SGCD: variants seen among roughly 807,000 people sequenced by gnomAD.
SGCD encodes sarcoglycan delta.
Under a neutral mutation model 36.6 loss-of-function variants are expected in SGCD, and 18 were observed. The ratio of observed to expected loss-of-function variants is 0.49; its 90% CI spans 0.34 to 0.73. The LOEUF is 0.73. SGCD is among the 30% of genes least tolerant of loss of function. The pLI is 0.01. For synonymous variants in SGCD, 133 were observed against 130.6 expected (o/e 1.02, Z -0.12); for missense variants, 387 against 346.7 (o/e 1.12, Z -0.92).
At chr5:156,125,945 T>G (rs1762160944) in intron 3 of SGCD, among the ~76,000 whole-genome samples, 1 of 151,052 alleles carries the variant, frequency 6.6e-6, no homozygotes, top group Admixed American at 6.6e-5. Flanking sequence ...TGGCACAGTC[T>G]CGGCTCACTG....
intron 1 of SGCD, among the ~76,000 whole-genome samples, chr5:156,000,084 T>C (rs1179538099): frequency 6.6e-6 from 1 of 152,226 alleles, no homozygotes; most frequent in African/African-American, 2.4e-5. Context: ...GCTTCAGCCC[T>C]GGGACCTAGG....
intron 7 of SGCD, among the ~76,000 whole-genome samples, chr5:156,655,225 A>G (rs281044): frequency 0.92 from 139,637 of 152,178 alleles, 64,227 homozygotes; most frequent in East Asian, 0.99. Flanking sequence ...CTAATCAAAC[A>G]TGAGAAAATT....
chr5:155,934,455 C>T (rs1330412956), intron 1 of SGCD, among the ~76,000 whole-genome samples: 3 of 152,174 alleles, frequency 2.0e-5, no homozygotes, highest in African/African-American at 7.2e-5. Flanking sequence ...TATCCCACTA[C>T]CTGACAAACA....
At chr5:156,258,750 A>G (rs1345370487) in intron 3 of SGCD, among the ~76,000 whole-genome samples, 1 of 152,216 alleles carries the variant, frequency 6.6e-6, no homozygotes, top group Non-Finnish European at 1.5e-5. Flanking sequence ...TTTATCAAAT[A>G]TTGTAATTTC....
chr5:156,211,787 A>T (rs1307436214), intron 3 of SGCD, among the ~76,000 whole-genome samples: 1 of 152,134 alleles, frequency 6.6e-6, no homozygotes, highest in Non-Finnish European at 1.5e-5. Context: ...AGACAAAATT[A>T]TTTAAAAAGC....
At chr5:156,696,544 CTG>C (rs1754324167) in intron 7 of SGCD, among the ~76,000 whole-genome samples, 1 of 152,208 alleles carries the variant, frequency 6.6e-6, no homozygotes, top group African/African-American at 2.4e-5. Flanking sequence ...AAGTCTCACT[CTG>C]TTGCCCAGGC....
intron 3 of SGCD, among the ~76,000 whole-genome samples, chr5:156,130,368 A>C (rs1762287718): frequency 6.6e-6 from 1 of 152,178 alleles, no homozygotes; most frequent in African/African-American, 2.4e-5. Context: ...ACTTCCTTGT[A>C]GATGCTGGAC....
intron 3 of SGCD, among the ~76,000 whole-genome samples, chr5:156,454,913 C>T (rs1754184766): frequency 1.3e-5 from 2 of 152,116 alleles, no homozygotes; most frequent in South Asian, 4.1e-4. Context: ...ACTGGAAGTC[C>T]TCATACCTGC....
At chr5:156,509,640 T>C (rs1756848583) in intron 4 of SGCD, among the ~76,000 whole-genome samples, 1 of 152,208 alleles carries the variant, frequency 6.6e-6, no homozygotes, top group Non-Finnish European at 1.5e-5. Context: ...TGTAAAAAGC[T>C]TCATACTTGT....
At chr5:156,293,251 C>T (rs1181777553) in intron 3 of SGCD, among the ~76,000 whole-genome samples, 2 of 151,904 alleles carry the variant, frequency 1.3e-5, no homozygotes, top group Non-Finnish European at 1.5e-5. Context: ...TTGTGGGTTG[C>T]CTTTTGACTC....
chr5:156,627,418 C>G (rs766095464), intron 6 of SGCD, among the ~76,000 whole-genome samples: 2 of 152,170 alleles, frequency 1.3e-5, no homozygotes, highest in Non-Finnish European at 2.9e-5. Context: ...ATCATACTTA[C>G]TAGCTTACTC....
At chr5:156,330,689 C>T (rs564429348) in intron 2 of SGCD, among the ~76,000 whole-genome samples, 3 of 152,250 alleles carry the variant, frequency 2.0e-5, no homozygotes, top group South Asian at 4.1e-4. Context: ...GAACAATGCA[C>T]ATTCCATGGT....
At chr5:156,751,341 TG>T (rs1388192462) in intron 7 of SGCD, among the ~76,000 whole-genome samples, 2 of 152,022 alleles carry the variant, frequency 1.3e-5, no homozygotes, top group Non-Finnish European at 2.9e-5. Context: ...AGAGACATAA[TG>T]AAAAAAGAAA....
chr5:155,859,218 T>C, the SGCD span, among the ~76,000 whole-genome samples: 1 of 151,894 alleles, frequency 6.6e-6, no homozygotes, highest in African/African-American at 2.4e-5. Context: ...CATGCCTGGC[T>C]AATTTTTATT....
At chr5:156,582,648 A>G (rs1327951956) in intron 4 of SGCD, among the ~76,000 whole-genome samples, 21 of 152,198 alleles carry the variant, frequency 1.4e-4, no homozygotes. Context: ...TCTCCTATGC[A>G]GTTTGCTACA....
chr5:155,810,037 T>C, the SGCD span, among the ~76,000 whole-genome samples: 1 of 152,210 alleles, frequency 6.6e-6, no homozygotes, highest in African/African-American at 2.4e-5. Context: ...AGATTGGTCA[T>C]TTATTGCTGT....
At chr5:156,073,381 G>C (rs1760649574) in intron 1 of SGCD, among the ~76,000 whole-genome samples, 1 of 152,106 alleles carries the variant, frequency 6.6e-6, no homozygotes, top group African/African-American at 2.4e-5. Flanking sequence ...AACATAGTGA[G>C]ACCTTGCCTC....
At chr5:156,364,340 G>A (rs1278063066) in intron 3 of SGCD, among the ~76,000 whole-genome samples, 2 of 151,160 alleles carry the variant, frequency 1.3e-5, no homozygotes, top group East Asian at 2.0e-4. Flanking sequence ...TGTTTTTGGT[G>A]CCTATCTTAT....
At chr5:155,788,972 GA>G in the SGCD span, among the ~76,000 whole-genome samples, 7 of 152,166 alleles carry the variant, frequency 4.6e-5, no homozygotes, top group Non-Finnish European at 7.4e-5. Context: ...AAAGCATTTG[GA>G]AGGAGACAAA....
Sources: gnomAD v4.1 joint callset for allele counts (sites outside exome capture counted in the v4.1 genomes callset) on GRCh38, gnomAD v4.1.1 for gene constraint, MANE v1.5 for transcripts, NCBI Gene and HGNC (gene_info 2026-07-23, HGNC 2026-07-21) for gene names.